The following DLL4 variants were observed in gnomAD, a reference collection of about 807,000 sequenced individuals.
The protein encoded by DLL4 is delta-like protein 4.
DLL4 carries 7 observed loss-of-function variants against 73.6 expected under a neutral mutation model. That is an observed-to-expected ratio of 0.10 (90% confidence interval 0.05 to 0.18). The LOEUF (loss-of-function observed/expected upper bound fraction) is 0.18, where lower values mean the gene tolerates loss of function less well. DLL4 is among the 10% of genes least tolerant of loss of function. DLL4 has a pLI of 1.00. For synonymous variants in DLL4, 345 were observed against 374.3 expected, an observed-to-expected ratio of 0.92 and a Z score of 0.90; for missense variants, 614 against 929.9, an observed-to-expected ratio of 0.66 and a Z score of 4.42.
rs535657877 is a variant in DLL4, at chr15:40,930,513, G to T, written c.337-112G>T. 3.1e-4 allele frequency: 274 copies of T among 881,010 alleles called. No homozygotes were observed. In the African/African-American group the frequency reaches 4.3e-3, roughly 14 times the overall value. The allele number at this position is 881,010 out of a possible 1,614,324, so 54.6% of individuals were successfully genotyped here. ...ACAGCCCCGTTATGTTGACCCGGGC[G>T]CAGTAACTGAATCCTGCAATTAGAT... is the stretch of plus-strand genomic sequence containing the variant. On this transcript the variant is annotated intron_variant, in intron 2 of 10. Coordinates refer to ENST00000249749, the MANE Select transcript of DLL4 (RefSeq NM_019074.4). This position sits in a 1 kb window ranked among gnomAD's most constrained non-coding sequence, Gnocchi z 5.7.
At position 40,930,420 on chromosome 15, in the gene DLL4, C is replaced by G. The variant is rs1892749271; in HGVS notation, c.337-205C>G. On this transcript the variant is annotated intron_variant, in intron 2 of 10. Transcript: ENST00000249749. The surrounding 1 kb of genome is among the most constrained non-coding windows in gnomAD (Gnocchi z 5.7). ...TCCAGTGGCTCTCCCTTACACTCTC[C>G]CGTCTCTCAACCCTCCCTCTACCGG... is the stretch of plus-strand genomic sequence containing the variant. 3 of 645,630 alleles carry G rather than the reference C, an allele frequency of 4.6e-6. No individual in the cohort carries two copies. The South Asian group carries it at 5.7e-5, about 12-fold the overall frequency. The allele number at this position is 645,630 out of a possible 1,614,324, so 40.0% of individuals were successfully genotyped here. A position where few individuals can be genotyped will look rare whatever the true frequency, so the allele number is the denominator to read the frequency against.
intron 8 of DLL4, 81 bp from the exon 9 acceptor site, chr15:40,936,147 T>G: frequency 7.8e-7 from 1 of 1,290,260 alleles, no homozygotes; most frequent in Non-Finnish European, 1.0e-6. Flanking sequence ...GGCCCGAACG[T>G]GTTCCTGGAA....
Position 40,931,265 on chromosome 15 carries a change from A to G in DLL4, c.395-238A>G. The G allele has an allele frequency of 5.2e-6, 3 of 578,414 alleles. 1 individual carries two copies. The highest frequency in any genetic ancestry group is 3.1e-6 in the Non-Finnish European group (1 of 324,816). 35.8% of individuals were successfully genotyped at this position (578,414 alleles called of 1,614,324 possible). Reference sequence around the variant, plus strand: ...CCCTGGGATATCTTAACATCCTTCTATTGTCCCCTTTTTGAATACTATCAG... The same window carrying G: ...CCCTGGGATATCTTAACATCCTTCTGTTGTCCCCTTTTTGAATACTATCAG... On this transcript the variant is annotated intron_variant, in intron 3 of 10. Transcript: ENST00000249749.
chr15:40,934,821 C>T, intron 7 of DLL4, 77 bp from the exon 8 acceptor site: 1 of 1,584,140 alleles, frequency 6.3e-7, no homozygotes, highest in South Asian at 1.1e-5. Flanking sequence ...GCATTGTGGG[C>T]AGGTGGAGCC....
chr15:40,929,564 C>G lies in DLL4; in HGVS notation c.-105C>G, dbSNP rs111494897. On this transcript the variant is annotated 5_prime_UTR_variant, in exon 1 of 11. Transcript: ENST00000249749. This position sits in a 1 kb window ranked among gnomAD's most constrained non-coding sequence, Gnocchi z 7.1. The stretch of plus-strand genomic sequence containing the variant: ...AAGGGGAGCAGCGTCCCGAGAGGAG[C>G]GCCTCTTTTCAGGGACCCCGCCGGC... 5,256 of 1,061,306 alleles carry G rather than the reference C, an allele frequency of 5.0e-3. 69 individuals are homozygous for G. The highest frequency in any genetic ancestry group is 0.029 in the South Asian group (1,741 of 60,172). The allele number at this position is 1,061,306 out of a possible 1,614,324, so 65.7% of individuals were successfully genotyped here.
chr15:40,931,821 A>G (rs1892775284), intron 4 of DLL4, 55 bp downstream of exon 4: 2 of 1,597,488 alleles, frequency 1.3e-6, no homozygotes, highest in Non-Finnish European at 1.7e-6. Flanking sequence ...GAGGAAACAC[A>G]GTGGAGCTTC....
In DLL4 at chr15:40,932,386, C is replaced by G. The variant is rs1238554227; in HGVS notation, c.789C>G (p.Thr263=). The G allele has an allele frequency of 6.2e-7, 1 of 1,614,010 alleles. No homozygotes were observed. Among genetic ancestry groups the G allele is most frequent in the African/African-American group, 1.3e-5 (1 of 75,082 alleles). Reference sequence around the variant, plus strand: ...CCCACAATGGCTGTCGCCACGGCACCTGCAGCACTCCCTGGCAATGTACTT... The same window carrying G: ...CCCACAATGGCTGTCGCCACGGCACGTGCAGCACTCCCTGGCAATGTACTT... The part of the protein sequence containing the change: ...CIPHNGCRHG[T]CSTPWQCTCD... Residue 263 remains threonine, a synonymous_variant, in exon 6 of 11, where the codon ACC becomes ACG. Transcript: ENST00000249749.
At chr15:40,932,529 C>A in intron 6 of DLL4, 82 bp downstream of exon 6, 1 of 1,544,198 alleles carries the variant, frequency 6.5e-7, no homozygotes, top group Non-Finnish European at 8.8e-7. Flanking sequence ...CACCTGGATC[C>A]TTCTTACTTG....
At position 40,930,168 on chromosome 15, in the gene DLL4, GCCCTGGGACCAAAGCCCCCTC is replaced by G; in HGVS notation, c.336+56_336+76del. 6.4e-7 allele frequency: 1 copy of G among 1,569,640 alleles called. No homozygotes were observed. Among genetic ancestry groups the G allele is most frequent in the Non-Finnish European group, 8.6e-7 (1 of 1,157,936 alleles). ...GGTCGCAGAAGCCGAGAGAGGAGGCGCCCTGGGACCAAAGCCCCCTCCCCAGATTTCCTTGTACACACACCC... is the reference window on the plus strand; with the variant it reads ...GGTCGCAGAAGCCGAGAGAGGAGGCGCCCAGATTTCCTTGTACACACACCC... On this transcript the variant is annotated intron_variant, in intron 2 of 10. Transcript: ENST00000249749. This position sits in a 1 kb window ranked among gnomAD's most constrained non-coding sequence, Gnocchi z 5.7.
chr15:40,933,062 G>A (rs553948043), intron 6 of DLL4, among the ~76,000 whole-genome samples: 4 of 152,242 alleles, frequency 2.6e-5, no homozygotes, highest in Non-Finnish European at 5.9e-5. Flanking sequence ...CCCAACCTTG[G>A]GGGAGGAGGA....
At chr15:40,932,086 G>T in intron 4 of DLL4, 85 bp from the exon 5 acceptor site, 1 of 1,495,926 alleles carries the variant, frequency 6.7e-7, no homozygotes. Context: ...AGGAGAGCTA[G>T]GGGATCCCCA....
chr15:40,932,183 C>G lies in DLL4; in HGVS notation c.671C>G (p.Ser224Trp). 1.9e-6 allele frequency: 3 copies of G among 1,614,028 alleles called. No homozygotes were observed. The South Asian group carries it at 3.3e-5, about 18-fold the overall frequency. The change falls in exon 5 of 11, where the codon TCG becomes TGG. Residue 224 changes from serine to tryptophan, a missense_variant. Ser to Trp is a radical substitution (Grantham distance 177, BLOSUM62 -3). This residue lies in a region of DLL4 where 227 missense variants were observed against 370.8 expected (regional missense o/e 0.61). Coordinates refer to ENST00000249749, the MANE Select transcript of DLL4 (RefSeq NM_019074.4). ...GEYCQQPICLSGCHEQNGYCS... is the reference protein window; with the variant it reads ...GEYCQQPICLWGCHEQNGYCS... ...GTTCTTCCCTTAGCTATCTGTCTTT[C>G]GGGCTGTCATGAACAGAATGGCTAC...
intron 4 of DLL4, 126 bp downstream of exon 4, chr15:40,931,892 G>T: frequency 4.8e-6 from 6 of 1,260,234 alleles, no homozygotes; most frequent in Non-Finnish European, 5.5e-6. Context: ...TGGGCCTCAG[G>T]GATGCTGAGG....
rs34268812 is a variant in DLL4 at position 40,938,933 on chromosome 15, GTTTTTTT to G, written c.*910_*916del. On this transcript the variant is annotated 3_prime_UTR_variant, in exon 11 of 11. Coordinates refer to ENST00000249749, the MANE Select transcript of DLL4 (RefSeq NM_019074.4). ...AATCAATAATATGAGTTTTTATTTT[GTTTTTTT>G]TTTTTTTTTTGTAGTTTATTTTGGA... is the stretch of plus-strand genomic sequence containing the variant. 4.7e-5 allele frequency: 6 copies of G among 127,960 alleles called. No homozygotes were observed. The highest frequency in any genetic ancestry group is 1.2e-4 in the African/African-American group (4 of 34,606). 7.9% of individuals were successfully genotyped at this position (127,960 alleles called of 1,614,324 possible).
In DLL4 at chr15:40,930,201, T is replaced by C. The variant is rs1464559606; in HGVS notation, c.336+85T>C. 7 of 1,484,402 alleles carry C rather than the reference T, an allele frequency of 4.7e-6. No individual in the cohort carries two copies. In the South Asian group the frequency reaches 7.5e-5, roughly 16 times the overall value. 92.0% of individuals were successfully genotyped at this position (1,484,402 alleles called of 1,614,324 possible). A position where few individuals can be genotyped will look rare whatever the true frequency, so the allele number is the denominator to read the frequency against. The stretch of plus-strand genomic sequence containing the variant: ...ACCAAAGCCCCCTCCCCAGATTTCC[T>C]TGTACACACACCCCCACCCCCAAAA... On this transcript the variant is annotated intron_variant, in intron 2 of 10. Coordinates refer to ENST00000249749, the MANE Select transcript of DLL4 (RefSeq NM_019074.4). The surrounding 1 kb of genome is among the most constrained non-coding windows in gnomAD (Gnocchi z 5.7).
chr15:40,931,492 TG>T lies in DLL4; in HGVS notation c.395-10del. 6.2e-7 allele frequency: 1 copy of T among 1,605,102 alleles called. No individual in the cohort carries two copies. Among genetic ancestry groups the T allele is most frequent in the South Asian group, 1.1e-5 (1 of 89,524 alleles). ...GCGACCCTTCCCTGACCCGACCCTC[TG>T]CCCCCTCAGAGGCCTTGCCACCAGA... is the stretch of plus-strand genomic sequence containing the variant. On this transcript the variant is annotated splice_polypyrimidine_tract_variant and intron_variant, in intron 3 of 10. Transcript: ENST00000249749.
In DLL4 at chr15:40,931,601, A is replaced by G. The variant is rs1892772008; in HGVS notation, c.493A>G (p.Thr165Ala). ...WLLDEQTSTLTRLRYSYRVIC... is the reference protein window; with the variant it reads ...WLLDEQTSTLARLRYSYRVIC... Reference sequence around the variant, plus strand: ...ATTGGATGAGCAAACCAGCACCCTCACAAGGCTGCGCTACTCTTACCGGGT... The same window carrying G: ...ATTGGATGAGCAAACCAGCACCCTCGCAAGGCTGCGCTACTCTTACCGGGT... Residue 165 changes from threonine (T) to alanine (A), a missense_variant, in exon 4 of 11, where the codon ACA (threonine) becomes GCA (alanine). By Grantham distance (58) the Thr-to-Ala change is moderately conservative. Transcript: ENST00000249749. The G allele has an allele frequency of 6.2e-7, 1 of 1,612,990 alleles. No homozygotes were observed. The highest frequency in any genetic ancestry group is 8.5e-7 in the Non-Finnish European group (1 of 1,179,550).
rs769485877 is a variant in DLL4, at chr15:40,932,190, T to C, written c.678T>C (p.Cys226=). The C allele has an allele frequency of 1.2e-6, 2 of 1,613,932 alleles. No individual in the cohort carries two copies. The highest frequency in any genetic ancestry group is 1.7e-6 in the Non-Finnish European group (2 of 1,179,898). Residue 226 remains cysteine, a synonymous_variant, in exon 5 of 11, where the codon TGT becomes TGC. Coordinates refer to ENST00000249749, the MANE Select transcript of DLL4 (RefSeq NM_019074.4). ...YCQQPICLSG[C]HEQNGYCSKP... ...CCTTAGCTATCTGTCTTTCGGGCTGTCATGAACAGAATGGCTACTGCAGCA... is the reference window on the plus strand; with the variant it reads ...CCTTAGCTATCTGTCTTTCGGGCTGCCATGAACAGAATGGCTACTGCAGCA...
chr15:40,932,431 C>A lies in DLL4; in HGVS notation c.834C>A (p.Gly278=). The change falls in exon 6 of 11, where the codon GGC becomes GGA. Residue 278 remains glycine (G), a synonymous_variant. Transcript: ENST00000249749. ...GTACTTGTGATGAGGGCTGGGGAGGCCTGTTTTGTGACCAAGGTGAGTCAG... is the reference window on the plus strand; with the variant it reads ...GTACTTGTGATGAGGGCTGGGGAGGACTGTTTTGTGACCAAGGTGAGTCAG... ...WQCTCDEGWG[G]LFCDQDLNYC... The A allele has an allele frequency of 1.2e-6, 2 of 1,613,898 alleles. No individual in the cohort carries two copies. Among genetic ancestry groups the A allele is most frequent in the East Asian group, 2.2e-5 (1 of 44,886 alleles).
Sources: gnomAD v4.1 joint callset for allele counts (sites outside exome capture counted in the v4.1 genomes callset) on GRCh38, gnomAD v4.1.1 for gene constraint, gnomAD v4.1.1 regional missense constraint, Gnocchi (gnomAD v3.1) non-coding constraint, MANE v1.5 for transcripts, NCBI Gene and HGNC (gene_info 2026-07-23, HGNC 2026-07-21) for gene names.